SH3KBP1: variants seen among roughly 807,000 people sequenced by gnomAD.
SH3KBP1 encodes SH3 domain-containing kinase-binding protein 1.
Under a neutral mutation model 50.1 loss-of-function variants are expected in SH3KBP1, and 8 were observed. The ratio of observed to expected loss-of-function variants is 0.16; its 90% confidence interval spans 0.09 to 0.29. SH3KBP1 has a LOEUF of 0.29. SH3KBP1 is among the 10% of genes least tolerant of loss of function. SH3KBP1 has a pLI of 1.00. For missense variants in SH3KBP1, 377 were observed against 535.2 expected (o/e 0.70, Z 2.92); for synonymous variants, 227 against 218.6 (o/e 1.04, Z -0.34).
intron 2 of SH3KBP1, among the ~76,000 whole-genome samples, chrX:19,756,872 TAAA>T (rs10707274): frequency 3.0e-4 from 26 of 85,553 alleles, no homozygotes; most frequent in Admixed American, 2.6e-4. Context: ...GTTGCTAGGT[TAAA>T]AAAAAAAAAA....
chrX:19,686,089 C>A (rs2063156869), intron 5 of SH3KBP1, among the ~76,000 whole-genome samples: 1 of 111,577 alleles, frequency 9.0e-6, no homozygotes, highest in Admixed American at 9.5e-5. Flanking sequence ...CTCTACGTTA[C>A]ACAGAGAGAG....
At chrX:19,749,737 G>A (rs1235247631) in intron 2 of SH3KBP1, among the ~76,000 whole-genome samples, 1 of 112,693 alleles carries the variant, frequency 8.9e-6, no homozygotes, top group African/African-American at 3.2e-5. Context: ...GACATAGATA[G>A]TACGGATAGT....
chrX:19,631,571 A>G (rs1250686347), intron 8 of SH3KBP1, among the ~76,000 whole-genome samples: 1 of 112,670 alleles, frequency 8.9e-6, no homozygotes, highest in African/African-American at 3.2e-5. Flanking sequence ...GGAGGGCAGG[A>G]TCTCCAGCCG....
chrX:19,645,541 T>A, intron 6 of SH3KBP1, 66 bp from the exon 7 acceptor site: 1 of 878,219 alleles, frequency 1.1e-6, no homozygotes, highest in Non-Finnish European at 1.7e-6. Context: ...AGGAATAAGA[T>A]CCAGATCATA....
chrX:19,786,138 T>A (rs1398783677), intron 2 of SH3KBP1, among the ~76,000 whole-genome samples: 1 of 112,066 alleles, frequency 8.9e-6, no homozygotes, highest in Admixed American at 9.5e-5. Context: ...TTTAATGTGA[T>A]GAGCCAAATT....
At chrX:19,874,064 A>AT (rs1156304486) in intron 1 of SH3KBP1, among the ~76,000 whole-genome samples, 34 of 84,514 alleles carry the variant, frequency 4.0e-4, no homozygotes, top group East Asian at 1.5e-3. Flanking sequence ...AAAAAAAAAA[A>AT]AAAAATATAT....
At chrX:19,864,312 C>A (rs1006468291) in intron 1 of SH3KBP1, among the ~76,000 whole-genome samples, 1 of 110,219 alleles carries the variant, frequency 9.1e-6, no homozygotes, top group Non-Finnish European at 1.9e-5. Context: ...ATTGGCAGAA[C>A]AACACCCCCC....
intron 1 of SH3KBP1, among the ~76,000 whole-genome samples, chrX:19,849,685 A>G (rs76853691): frequency 1.3e-4 from 14 of 105,829 alleles, no homozygotes; most frequent in African/African-American, 4.8e-4. Flanking sequence ...AGCAGAGTGA[A>G]AAAAAAAAAA....
At chrX:19,553,251 C>A (rs1341194300) in intron 13 of SH3KBP1, among the ~76,000 whole-genome samples, 1 of 111,282 alleles carries the variant, frequency 9.0e-6, no homozygotes, top group African/African-American at 3.3e-5. Flanking sequence ...AAGTTAACAC[C>A]AGGAAACTTC....
chrX:19,540,638 G>C (rs2064856784), intron 16 of SH3KBP1, among the ~76,000 whole-genome samples: 1 of 111,488 alleles, frequency 9.0e-6, no homozygotes, highest in Non-Finnish European at 1.9e-5. Flanking sequence ...CTTCATCGCT[G>C]TAAGTCTCTG....
At chrX:19,859,910 G>A (rs1157427791) in intron 1 of SH3KBP1, among the ~76,000 whole-genome samples, 2 of 111,116 alleles carry the variant, frequency 1.8e-5, no homozygotes, top group Admixed American at 9.6e-5. Flanking sequence ...ACAAAATAGT[G>A]CCTTTTTCTG....
intron 2 of SH3KBP1, among the ~76,000 whole-genome samples, chrX:19,764,489 G>A (rs779823265): frequency 9.0e-6 from 1 of 110,542 alleles, no homozygotes; most frequent in South Asian, 3.9e-4. Context: ...ATGGGACCTG[G>A]CAACAAATAC....
chrX:19,844,630 G>C (rs1344471038), intron 1 of SH3KBP1, among the ~76,000 whole-genome samples: 1 of 111,395 alleles, frequency 9.0e-6, no homozygotes, highest in African/African-American at 3.3e-5. Context: ...GCATTCACAA[G>C]ACCTGTGGGC....
chrX:19,781,800 G>GTAAACATTTA (rs1210028847), intron 2 of SH3KBP1, among the ~76,000 whole-genome samples: 2 of 111,073 alleles, frequency 1.8e-5, no homozygotes, highest in Non-Finnish European at 3.8e-5. Flanking sequence ...TGCATAACTG[G>GTAAACATTTA]GTATGTTTAC....
chrX:19,705,522 T>C (rs1403615445), intron 4 of SH3KBP1, among the ~76,000 whole-genome samples: 1 of 111,474 alleles, frequency 9.0e-6, no homozygotes, highest in African/African-American at 3.3e-5. Context: ...GTCTCCTATG[T>C]GCCCTGCTTG....
At chrX:19,745,291 A>T (rs915782129) in intron 3 of SH3KBP1, among the ~76,000 whole-genome samples, 38 of 112,505 alleles carry the variant, frequency 3.4e-4, no homozygotes, top group Middle Eastern at 4.3e-3. Flanking sequence ...CCAATATTTG[A>T]TCTGAATAAT....
At chrX:19,794,938 T>C (rs1296207793) in intron 2 of SH3KBP1, among the ~76,000 whole-genome samples, 1 of 111,547 alleles carries the variant, frequency 9.0e-6, no homozygotes, top group Admixed American at 9.5e-5. Context: ...TAAGAGCTTA[T>C]CTGATCAACA....
chrX:19,675,803 A>G (rs1167223414), intron 6 of SH3KBP1, among the ~76,000 whole-genome samples: 5 of 112,317 alleles, frequency 4.5e-5, no homozygotes, highest in Non-Finnish European at 9.4e-5. Flanking sequence ...AGTGTTTTAG[A>G]AAGTTCACAT....
rs779296914 is a variant in SH3KBP1, at chrX:19,815,303, A to AT, written c.162+20821dup. On this transcript the variant is annotated intron_variant, in intron 2 of 17. Transcript: ENST00000397821. ...CTGCCAAGGTTGAGACCCATTGGAG[A>AT]TTTTTTTTAATTTTTATTTTGAAGT... Among the ~76,000 whole-genome samples, 10 of 110,526 alleles carry AT rather than the reference A, an allele frequency of 9.0e-5. No homozygotes were observed. The East Asian group carries it at 2.3e-3, about 25-fold the overall frequency.
Sources: allele counts gnomAD v4.1 joint callset (sites outside exome capture counted in the v4.1 genomes callset), GRCh38; gene constraint gnomAD v4.1.1; transcripts MANE v1.5; gene names NCBI Gene and HGNC (gene_info 2026-07-23, HGNC 2026-07-21).